The following APOL3 variants were observed in gnomAD, a reference collection of about 807,000 sequenced individuals.
APOL3 encodes the protein apolipoprotein L3.
A neutral mutation model predicts 11.6 loss-of-function variants in APOL3; 14 were observed. The ratio of observed to expected loss-of-function variants is 1.21; its 90% CI spans 0.80 to 1.89. The LOEUF is 1.89. Among genes scored for constraint, APOL3 ranks in the 40% most tolerant of loss-of-function variants. APOL3 has a pLI of 0.00. For synonymous variants in APOL3, 192 were observed against 190.6 expected (o/e 1.01, Z -0.06); for missense variants, 483 against 492.1 (o/e 0.98, Z 0.17).
chr22:36,145,705 TG>T lies in APOL3; in HGVS notation c.224-107del. On this transcript the variant is annotated intron_variant, in intron 1 of 2. Coordinates refer to ENST00000349314, the Ensembl canonical transcript of APOL3. ...TAATCCTCCTCAACCAGCTGTCACA[TG>T]GGGTATTTTTGATGGAGGCATCAGT... 19 of 1,432,192 alleles carry T rather than the reference TG, an allele frequency of 1.3e-5. No homozygotes were observed. In the South Asian group the frequency reaches 2.5e-4, roughly 19 times the overall value. The allele number at this position is 1,432,192 out of a possible 1,614,324, so 88.7% of individuals were successfully genotyped here.
At chr22:36,152,202 C>T (rs1427537453) in intron 1 of APOL3, among the ~76,000 whole-genome samples, 1 of 151,746 alleles carries the variant, frequency 6.6e-6, no homozygotes, top group Non-Finnish European at 1.5e-5. Flanking sequence ...GCATATAATT[C>T]ACAGTTTGAG....
At chr22:36,159,349 G>A (rs1056407362) in intron 1 of APOL3, 3 of 152,394 alleles carry the variant, frequency 2.0e-5, no homozygotes, top group Middle Eastern at 3.4e-3. Flanking sequence ...GCTCAGAGAG[G>A]GGAAGTGACT....
chr22:36,148,467 C>A (rs566494561), intron 1 of APOL3, among the ~76,000 whole-genome samples: 7 of 152,226 alleles, frequency 4.6e-5, no homozygotes, highest in Non-Finnish European at 7.3e-5. Context: ...ACTCGCATTC[C>A]AGGTGAGGGG....
intron 1 of APOL3, among the ~76,000 whole-genome samples, chr22:36,146,661 G>A (rs2060232404): frequency 1.3e-5 from 2 of 151,714 alleles, no homozygotes; most frequent in African/African-American, 4.9e-5. Flanking sequence ...TATGACACAG[G>A]GTGCATATGC....
At chr22:36,141,607 C>T (rs767387616) in exon 3 of APOL3, 2 of 1,614,176 alleles carry the variant, frequency 1.2e-6, no homozygotes, top group South Asian at 1.1e-5. Context: ...CGCATAACTT[C>T]CTTAAATACC....
chr22:36,151,387 A>C (rs1476343081), intron 1 of APOL3, among the ~76,000 whole-genome samples: 1 of 152,238 alleles, frequency 6.6e-6, no homozygotes, highest in East Asian at 1.9e-4. Flanking sequence ...AATTTTTAAA[A>C]ACTCAAACCC....
intron 1 of APOL3, among the ~76,000 whole-genome samples, chr22:36,146,959 G>A (rs764370979): frequency 1.8e-4 from 28 of 152,066 alleles, no homozygotes; most frequent in Non-Finnish European, 3.4e-4. Flanking sequence ...GTTTCCTGCC[G>A]TGGACACACT....
exon 3 of APOL3, chr22:36,140,499 C>G (rs2059948440): frequency 6.6e-6 from 1 of 152,284 alleles, no homozygotes; most frequent in Non-Finnish European, 1.5e-5. Flanking sequence ...CGCATACTCT[C>G]CAGGATGTTT....
chr22:36,155,189 C>T (rs895821139), intron 1 of APOL3, among the ~76,000 whole-genome samples: 1 of 152,182 alleles, frequency 6.6e-6, no homozygotes, highest in Non-Finnish European at 1.5e-5. Context: ...CCCTGTCAGG[C>T]CCCTCAAAGG....
rs904658008 is a variant in APOL3 at position 36,149,042 on chromosome 22, C to G, written c.224-3443G>C. On this transcript the variant is annotated intron_variant, in intron 1 of 2. Coordinates refer to ENST00000349314, the Ensembl canonical transcript of APOL3. Reference sequence around the variant, plus strand: ...AGCCAGGGAAGAGGAAGAAGCAAGCCTACCTGAGTCCATGGTGCCAGCAGC... The same window carrying G: ...AGCCAGGGAAGAGGAAGAAGCAAGCGTACCTGAGTCCATGGTGCCAGCAGC... 18 of 1,368,388 alleles carry G rather than the reference C, an allele frequency of 1.3e-5. No homozygotes were observed. Among genetic ancestry groups the G allele is most frequent in the Non-Finnish European group, 1.7e-5 (17 of 1,022,000 alleles). The allele number at this position is 1,368,388 out of a possible 1,614,324, so 84.8% of individuals were successfully genotyped here. A position where few individuals can be genotyped will look rare whatever the true frequency, so the allele number is the denominator to read the frequency against.
intron 1 of APOL3, among the ~76,000 whole-genome samples, chr22:36,146,694 C>A (rs771243324): frequency 1.3e-5 from 2 of 152,112 alleles, no homozygotes; most frequent in Non-Finnish European, 2.9e-5. Context: ...CACTCCCACA[C>A]TGGTCAACGC....
intron 1 of APOL3, among the ~76,000 whole-genome samples, chr22:36,154,984 G>T (rs1427305480): frequency 1.3e-5 from 2 of 152,130 alleles, no homozygotes; most frequent in African/African-American, 2.4e-5. Context: ...TATTCTAACA[G>T]GTTCCTTCTC....
intron 1 of APOL3, 86 bp from the exon 3 acceptor site, chr22:36,145,685 C>A: frequency 6.6e-7 from 1 of 1,517,964 alleles, no homozygotes. Context: ...GAGGTTAATC[C>A]TCCTCAACCA....
At chr22:36,153,585 G>A (rs763009671) in intron 1 of APOL3, among the ~76,000 whole-genome samples, 27 of 152,242 alleles carry the variant, frequency 1.8e-4, no homozygotes, top group Middle Eastern at 3.4e-3. Context: ...ACGTCTTGTG[G>A]GGAACCAAAT....
At chr22:36,143,029 C>T (rs1399627081) in intron 2 of APOL3, among the ~76,000 whole-genome samples, 2 of 152,234 alleles carry the variant, frequency 1.3e-5, no homozygotes, top group Non-Finnish European at 2.9e-5. Context: ...ATTCTGGTGT[C>T]TCCAGTCAGA....
chr22:36,141,859 A>T, exon 3 of APOL3: 1 of 1,614,228 alleles, frequency 6.2e-7, no homozygotes, highest in Non-Finnish European at 8.5e-7. Flanking sequence ...GAGATGGTGC[A>T]GCCTCTGTGG....
intron 2 of APOL3, among the ~76,000 whole-genome samples, chr22:36,142,377 G>T (rs1246029931): frequency 6.6e-6 from 1 of 152,168 alleles, no homozygotes; most frequent in Non-Finnish European, 1.5e-5. Context: ...AATAGTGTGT[G>T]GAGAGGGGAA....
At chr22:36,155,503 C>T (rs2012624490) in intron 1 of APOL3, among the ~76,000 whole-genome samples, 1 of 152,058 alleles carries the variant, frequency 6.6e-6, no homozygotes. Context: ...ACAGTGAGGC[C>T]AATAGAGGCA....
chr22:36,149,352 C>T, intron 1 of APOL3: 1 of 1,306,416 alleles, frequency 7.7e-7, no homozygotes, highest in Non-Finnish European at 1.0e-6. Context: ...ACTCTCACAC[C>T]AAGGCAGGGT....
Sources: allele counts gnomAD v4.1 joint callset (sites outside exome capture counted in the v4.1 genomes callset), GRCh38; gene constraint gnomAD v4.1.1; transcripts MANE v1.5; gene names NCBI Gene and HGNC (gene_info 2026-07-23, HGNC 2026-07-21).